Variants in PAPPA2 observed in about 807,000 individuals in gnomAD.
PAPPA2 encodes the protein pappalysin-2.
In PAPPA2, 86 loss-of-function variants were observed where a neutral mutation model predicts 176.4. The ratio of observed to expected loss-of-function variants is 0.49; its 90% CI spans 0.41 to 0.58. The LOEUF (loss-of-function observed/expected upper bound fraction) is 0.58, where lower values mean the gene tolerates loss of function less well. PAPPA2 is among the 20% of genes least tolerant of loss of function. PAPPA2 has a pLI of 0.00. For missense variants in PAPPA2, 2,073 were observed against 2,256.9 expected (o/e 0.92, Z 1.65); for synonymous variants, 809 against 852.2 (o/e 0.95, Z 0.88).
At chr1:176,660,688 A>G (rs1189794674) in intron 3 of PAPPA2, among the ~76,000 whole-genome samples, 1 of 152,110 alleles carries the variant, frequency 6.6e-6, no homozygotes, top group Non-Finnish European at 1.5e-5. Context: ...AATCAAGGAC[A>G]CACTCTCCAA....
rs147640423 is a variant in PAPPA2 at position 176,674,054 on chromosome 1, C to G, written c.2137+2939C>G. Among the ~76,000 whole-genome samples the G allele has an allele frequency of 1.6e-3, 245 of 152,112 alleles. 3 individuals are homozygous for G. The highest frequency in any genetic ancestry group is 5.6e-3 in the African/African-American group (233 of 41,514). On this transcript the variant is annotated intron_variant, in intron 4 of 22. Coordinates refer to ENST00000367662, the MANE Select transcript of PAPPA2 (RefSeq NM_020318.3). ...ATTTGTTATTTACTAAACTCACATT[C>G]TCAGGGACACTGGGCAAGAAAACAC...
chr1:176,835,574 C>A, intron 21 of PAPPA2, among the ~76,000 whole-genome samples: 1 of 152,180 alleles, frequency 6.6e-6, no homozygotes, highest in Non-Finnish European at 1.5e-5. Context: ...GACTGGAGTG[C>A]AATGGCACAA....
intron 1 of PAPPA2, among the ~76,000 whole-genome samples, chr1:176,481,645 T>A (rs1284930094): frequency 6.6e-6 from 1 of 152,176 alleles, no homozygotes; most frequent in Non-Finnish European, 1.5e-5. Context: ...AAGATAAAAA[T>A]CAAGGCTATG....
At chr1:176,795,811 T>G (rs1665402576) in intron 20 of PAPPA2, among the ~76,000 whole-genome samples, 1 of 152,230 alleles carries the variant, frequency 6.6e-6, no homozygotes, top group Non-Finnish European at 1.5e-5. Flanking sequence ...GAAATAGGTT[T>G]GCAAAGAGCC....
At chr1:176,665,011 G>A (rs12120484) in intron 3 of PAPPA2, among the ~76,000 whole-genome samples, 1 of 152,054 alleles carries the variant, frequency 6.6e-6, no homozygotes, top group Non-Finnish European at 1.5e-5. Context: ...CAAGGAATGA[G>A]GGAGGAATTC....
intron 20 of PAPPA2, among the ~76,000 whole-genome samples, chr1:176,797,928 G>A (rs1017854426): frequency 1.3e-5 from 2 of 152,126 alleles, no homozygotes; most frequent in African/African-American, 4.8e-5. Flanking sequence ...CTAGAGACAC[G>A]ATATCATAAT....
At chr1:176,486,695 C>A (rs950364723) in intron 1 of PAPPA2, among the ~76,000 whole-genome samples, 1 of 152,156 alleles carries the variant, frequency 6.6e-6, no homozygotes, top group Non-Finnish European at 1.5e-5. Context: ...ACCAGGTGAG[C>A]AGTCCACTGT....
intron 4 of PAPPA2, among the ~76,000 whole-genome samples, chr1:176,684,531 G>A (rs958978473): frequency 1.3e-5 from 2 of 152,008 alleles, no homozygotes; most frequent in African/African-American, 4.8e-5. Flanking sequence ...TGTAAGGGAT[G>A]GAATCTCGTC....
chr1:176,666,254 G>T (rs180846360), intron 3 of PAPPA2, among the ~76,000 whole-genome samples: 1 of 152,252 alleles, frequency 6.6e-6, no homozygotes, highest in East Asian at 1.9e-4. Flanking sequence ...ATATAAAAAT[G>T]CAACAAGAGG....
In PAPPA2 at chr1:176,844,804, C is replaced by G. The variant is rs1289077167; in HGVS notation, c.*2350C>G. On this transcript the variant is annotated 3_prime_UTR_variant, in exon 23 of 23. Coordinates refer to ENST00000367662, the MANE Select transcript of PAPPA2 (RefSeq NM_020318.3). ...AATTGTTATCCTGGGCATTACTCAG[C>G]TCAGGAACATGGAGCCTGTGGTTCA... 1 of 152,164 alleles carries G rather than the reference C, an allele frequency of 6.6e-6. No homozygotes were observed. Among genetic ancestry groups the G allele is most frequent in the Non-Finnish European group, 1.5e-5 (1 of 68,032 alleles). The allele number at this position is 152,164 out of a possible 1,614,324, so 9.4% of individuals were successfully genotyped here. A position where few individuals can be genotyped will look rare whatever the true frequency, so the allele number is the denominator to read the frequency against.
At chr1:176,702,213 C>T (rs1041534241) in intron 8 of PAPPA2, among the ~76,000 whole-genome samples, 2 of 152,232 alleles carry the variant, frequency 1.3e-5, no homozygotes, top group African/African-American at 4.8e-5. Flanking sequence ...TGAGCCCAAA[C>T]TCTGAAGCTT....
At chr1:176,577,431 A>G (rs1241646980) in intron 2 of PAPPA2, among the ~76,000 whole-genome samples, 1 of 152,184 alleles carries the variant, frequency 6.6e-6, no homozygotes, top group Non-Finnish European at 1.5e-5. Context: ...TGAAAAATTT[A>G]CTGGAAAGGT....
chr1:176,517,737 G>T (rs1010390869), intron 1 of PAPPA2, among the ~76,000 whole-genome samples: 2 of 152,112 alleles, frequency 1.3e-5, no homozygotes, highest in Admixed American at 6.6e-5. Context: ...ACTCACCACC[G>T]GAAACAAGGC....
intron 1 of PAPPA2, among the ~76,000 whole-genome samples, chr1:176,480,482 G>A (rs1224523596): frequency 6.6e-6 from 1 of 152,122 alleles, no homozygotes; most frequent in Non-Finnish European, 1.5e-5. Flanking sequence ...AGGGAAAGGA[G>A]AATGTAGAAT....
intron 3 of PAPPA2, among the ~76,000 whole-genome samples, chr1:176,638,143 C>G (rs1050057415): frequency 6.6e-6 from 1 of 152,062 alleles, no homozygotes; most frequent in African/African-American, 2.4e-5. Flanking sequence ...AAGGTTGACT[C>G]TACTTAGATT....
intron 1 of PAPPA2, among the ~76,000 whole-genome samples, chr1:176,554,459 T>G (rs1484871736): frequency 6.6e-6 from 1 of 152,228 alleles, no homozygotes; most frequent in Non-Finnish European, 1.5e-5. Flanking sequence ...TGTGTGTATT[T>G]GTGTACACGC....
At chr1:176,531,914 A>G (rs1484898389) in intron 1 of PAPPA2, among the ~76,000 whole-genome samples, 2 of 152,200 alleles carry the variant, frequency 1.3e-5, no homozygotes, top group Non-Finnish European at 2.9e-5. Flanking sequence ...GGTGTTAATG[A>G]TAGCACATCC....
chr1:176,490,415 G>A lies in PAPPA2; in HGVS notation c.-917+26997G>A, dbSNP rs191303322. Among the ~76,000 whole-genome samples, 360 of 152,176 alleles carry A rather than the reference G, an allele frequency of 2.4e-3. 4 individuals are homozygous for A. The highest frequency in any genetic ancestry group is 8.4e-3 in the African/African-American group (348 of 41,530). Reference sequence around the variant, plus strand: ...GGGATAGGGCTGGGAGAACAGGAAAGGTATTTCCATTTTGCTGAAGCTCCA... The same window carrying A: ...GGGATAGGGCTGGGAGAACAGGAAAAGTATTTCCATTTTGCTGAAGCTCCA... On this transcript the variant is annotated intron_variant, in intron 1 of 22. Coordinates refer to ENST00000367662, the MANE Select transcript of PAPPA2 (RefSeq NM_020318.3).
At chr1:176,702,243 T>G (rs985405525) in intron 8 of PAPPA2, among the ~76,000 whole-genome samples, 1 of 152,216 alleles carries the variant, frequency 6.6e-6, no homozygotes, top group Non-Finnish European at 1.5e-5. Context: ...GTTTCTTTGA[T>G]TACTTTGATG....
Sources: gnomAD v4.1 joint callset for allele counts (sites outside exome capture counted in the v4.1 genomes callset) on GRCh38, gnomAD v4.1.1 for gene constraint, MANE v1.5 for transcripts, NCBI Gene and HGNC (gene_info 2026-07-23, HGNC 2026-07-21) for gene names.